ROBO2: variants seen among roughly 807,000 people sequenced by gnomAD.
ROBO2 encodes roundabout homolog 2.
Under a neutral mutation model 160.8 loss-of-function variants are expected in ROBO2, and 53 were observed. The observed-to-expected ratio is 0.33, with a 90% confidence interval of 0.26 to 0.41. ROBO2 has a LOEUF of 0.41. Ranked by LOEUF, ROBO2 falls within the 10% of genes least tolerant of loss-of-function variation. The probability of loss-of-function intolerance (pLI) is 1.00; values close to 1 mark genes in which losing one functional copy is unlikely to be tolerated. For synonymous variants in ROBO2, 664 were observed against 611.7 expected, an observed-to-expected ratio of 1.09 and a Z score of -1.26; for missense variants, 1,577 against 1,722.4, an observed-to-expected ratio of 0.92 and a Z score of 1.49.
chr3:76,006,919 T>A (rs2066034989), intron 2 of ROBO2, among the ~76,000 whole-genome samples: 2 of 152,082 alleles, frequency 1.3e-5, no homozygotes, highest in South Asian at 4.1e-4. Context: ...ACAAAAGGCA[T>A]ACAATTTCTT....
chr3:77,643,092 G>A (rs1276427525), intron 24 of ROBO2, 149 bp downstream of exon 26: 1 of 374,490 alleles, frequency 2.7e-6, no homozygotes, highest in African/African-American at 2.1e-5. Flanking sequence ...GATTTTACCA[G>A]TACATGCCTT....
rs562350481 is a variant in ROBO2 at position 76,900,657 on chromosome 3, A to G, written c.110-197357A>G. 1.1e-3 allele frequency among the ~76,000 whole-genome samples: 168 copies of G among 152,312 alleles called. 1 individual carries two copies. Among genetic ancestry groups the G allele is most frequent in the African/African-American group, 3.9e-3 (161 of 41,580 alleles). On this transcript the variant is annotated intron_variant, in intron 2 of 26. Coordinates refer to the ROBO2 transcript ENST00000487694. ...ACGCTGCTAGACGATATGTAAAAAC[A>G]TTAAAACACATTACAAGAGAAGCTG...
intron 2 of ROBO2, among the ~76,000 whole-genome samples, chr3:77,104,107 A>G (rs911297050): frequency 1.3e-5 from 2 of 152,158 alleles, no homozygotes; most frequent in African/African-American, 4.8e-5. Context: ...ATATACAAGC[A>G]ATGTTTTTGG....
At chr3:77,617,556 T>C (rs773748940) in exon 22 of ROBO2, 8 of 1,614,048 alleles carry the variant, frequency 5.0e-6, no homozygotes, top group Non-Finnish European at 6.8e-6. Flanking sequence ...AGTACAAACT[T>C]ACTTACACCA....
intron 2 of ROBO2, among the ~76,000 whole-genome samples, chr3:77,403,550 T>C (rs895960169): frequency 8.6e-5 from 13 of 151,494 alleles, no homozygotes; most frequent in Non-Finnish European, 1.5e-4. Context: ...GCCCTTGTTT[T>C]TTAAAGTCTG....
intron 2 of ROBO2, among the ~76,000 whole-genome samples, chr3:77,226,005 A>G (rs1488639911): frequency 1.3e-5 from 2 of 152,010 alleles, no homozygotes; most frequent in Non-Finnish European, 2.9e-5. Flanking sequence ...GATATTACAC[A>G]TCGGTATTTT....
intron 2 of ROBO2, among the ~76,000 whole-genome samples, chr3:76,888,633 T>C (rs556131821): frequency 1.3e-5 from 2 of 152,196 alleles, no homozygotes; most frequent in Non-Finnish European, 2.9e-5. Flanking sequence ...TTGTGTTATC[T>C]AGGTTGTGTT....
intron 2 of ROBO2, among the ~76,000 whole-genome samples, chr3:77,445,803 T>TG (rs58263224): frequency 0.11 from 16,092 of 149,902 alleles, 1,129 homozygotes; most frequent in East Asian, 0.31. Flanking sequence ...TGTTTTTTTT[T>TG]TTTTTTTTGC....
intron 2 of ROBO2, among the ~76,000 whole-genome samples, chr3:77,258,273 T>G (rs1272279266): frequency 7.9e-5 from 12 of 152,202 alleles, no homozygotes; most frequent in Admixed American, 7.9e-4. Flanking sequence ...GCAAGATTAC[T>G]GCTGGCTTAA....
Position 77,089,050 on chromosome 3 carries a change from C to T in ROBO2, c.62-8964C>T, listed in dbSNP as rs369674909. Among the ~76,000 whole-genome samples the T allele has an allele frequency of 3.3e-5, 5 of 151,972 alleles. No homozygotes were observed. In the East Asian group the frequency reaches 7.7e-4, roughly 23 times the overall value. ...TCAAGTTTGGGATGAATAAATAGTACAAAAAACCAGTTTAGGTAATTGCTT... is the reference window on the plus strand; with the variant it reads ...TCAAGTTTGGGATGAATAAATAGTATAAAAAACCAGTTTAGGTAATTGCTT... On this transcript the variant is annotated intron_variant, in intron 1 of 25. Coordinates refer to ENST00000461745, the Ensembl canonical transcript of ROBO2.
chr3:77,293,080 A>G (rs1415471579), intron 2 of ROBO2, among the ~76,000 whole-genome samples: 2 of 151,480 alleles, frequency 1.3e-5, no homozygotes, highest in Non-Finnish European at 2.9e-5. Flanking sequence ...CACTAAAGAC[A>G]TAAAGTAAAA....
At chr3:77,072,387 A>G (rs940949476) in intron 1 of ROBO2, among the ~76,000 whole-genome samples, 1 of 152,156 alleles carries the variant, frequency 6.6e-6, no homozygotes, top group African/African-American at 2.4e-5. Context: ...CCTGCCGCCC[A>G]CACTACTCCA....
At chr3:77,410,699 T>TTCCTCCTCCTCCTCCTCCTCCTCCTCC (rs1213707755) in intron 2 of ROBO2, among the ~76,000 whole-genome samples, 13 of 41,004 alleles carry the variant, frequency 3.2e-4, no homozygotes, top group Middle Eastern at 0.019. Flanking sequence ...CCTCCTCCTC[T>TTCCTCCTCCTCCTCCTCCTCCTCCTCC]TCCTCCTCCT....
intron 2 of ROBO2, among the ~76,000 whole-genome samples, chr3:77,100,492 A>G (rs2071758403): frequency 6.6e-6 from 1 of 151,956 alleles, no homozygotes; most frequent in Non-Finnish European, 1.5e-5. Flanking sequence ...TTGGTAACTA[A>G]TATGTATTTT....
chr3:76,224,993 T>C (rs2107438043), intron 2 of ROBO2, among the ~76,000 whole-genome samples: 1 of 152,318 alleles, frequency 6.6e-6, no homozygotes, highest in Admixed American at 6.5e-5. Flanking sequence ...TAGACTCCAT[T>C]CTATTTTGTA....
chr3:76,961,871 A>C (rs1014293562), intron 2 of ROBO2, among the ~76,000 whole-genome samples: 1 of 152,148 alleles, frequency 6.6e-6, no homozygotes, highest in African/African-American at 2.4e-5. Flanking sequence ...GTGATAATTC[A>C]GCGATTCATT....
At chr3:76,636,578 G>C (rs1475797235) in intron 2 of ROBO2, among the ~76,000 whole-genome samples, 8 of 152,126 alleles carry the variant, frequency 5.3e-5, no homozygotes, top group Non-Finnish European at 1.5e-5. Flanking sequence ...AAATTCACTT[G>C]ATTCCAGAAA....
chr3:77,216,986 C>G (rs759799706), intron 2 of ROBO2, among the ~76,000 whole-genome samples: 1 of 151,984 alleles, frequency 6.6e-6, no homozygotes, highest in African/African-American at 2.4e-5. Flanking sequence ...TTCAAGACAC[C>G]AAGTAATTGA....
At chr3:77,403,074 A>T (rs2075952624) in intron 2 of ROBO2, among the ~76,000 whole-genome samples, 1 of 152,168 alleles carries the variant, frequency 6.6e-6, no homozygotes, top group African/African-American at 2.4e-5. Context: ...GATAGACCAA[A>T]CATTTTTCAA....
Sources: gnomAD v4.1 joint callset for allele counts (sites outside exome capture counted in the v4.1 genomes callset) on GRCh38, gnomAD v4.1.1 for gene constraint, MANE v1.5 for transcripts, NCBI Gene and HGNC (gene_info 2026-07-23, HGNC 2026-07-21) for gene names.